TBC1D2: variants seen among roughly 807,000 people sequenced by gnomAD.
TBC1D2 encodes TBC1 domain family member 2.
TBC1D2 carries 58 observed loss-of-function variants against 91.1 expected under a neutral mutation model. The observed-to-expected ratio is 0.64, with a 90% CI of 0.52 to 0.79. The LOEUF (loss-of-function observed/expected upper bound fraction) is 0.79. Among genes scored for constraint, TBC1D2 ranks in the 30% least tolerant of loss-of-function variants. TBC1D2 has a pLI of 0.00. For synonymous variants in TBC1D2, 482 were observed against 511.5 expected (o/e 0.94, Z 0.78); for missense variants, 1,080 against 1,208.3 (o/e 0.89, Z 1.57).
At chr9:98,233,603 T>G (rs766746083) in intron 3 of TBC1D2, 54 bp from the exon 4 acceptor site, 47 of 1,594,180 alleles carry the variant, frequency 2.9e-5, no homozygotes, top group Non-Finnish European at 3.7e-5. Context: ...CTTTCTGCCC[T>G]TCTGTCCTTC....
chr9:98,250,790 C>T (rs555976355), intron 2 of TBC1D2, among the ~76,000 whole-genome samples: 10 of 152,304 alleles, frequency 6.6e-5, no homozygotes, highest in African/African-American at 2.4e-4. Flanking sequence ...TGATTTTCCA[C>T]ATTCTTGCAG....
chr9:98,229,999 A>T (rs1296939023), intron 4 of TBC1D2, among the ~76,000 whole-genome samples: 1 of 152,224 alleles, frequency 6.6e-6, no homozygotes, highest in African/African-American at 2.4e-5. Context: ...TCAAAATTTT[A>T]TTCTTAAATC....
intron 2 of TBC1D2, among the ~76,000 whole-genome samples, chr9:98,247,097 G>A: frequency 6.6e-6 from 1 of 151,996 alleles, no homozygotes; most frequent in East Asian, 1.9e-4. Context: ...GGAGGCCAAG[G>A]CAGGCAGATC....
At chr9:98,251,756 T>C (rs1349910942) in intron 2 of TBC1D2, 29 bp downstream of exon 2, 1 of 1,544,838 alleles carries the variant, frequency 6.5e-7, no homozygotes, top group Non-Finnish European at 8.7e-7. Flanking sequence ...GCCCTGGGTG[T>C]GCAGGCAGGA....
intron 2 of TBC1D2, 30 bp downstream of exon 2, chr9:98,251,755 G>A (rs1216330783): frequency 1.3e-6 from 2 of 1,544,794 alleles, no homozygotes; most frequent in South Asian, 1.2e-5. Context: ...AGCCCTGGGT[G>A]TGCAGGCAGG....
In TBC1D2 at chr9:98,244,132, G is replaced by A; in HGVS notation, c.512-3C>T. ...CTCCAGCTCTGCCTCTTCTTGCCCT[G>A]GGAACAAAGAAAAGGGAAATCCATC... is the stretch of plus-strand genomic sequence containing the variant. On this transcript the variant is annotated splice_region_variant and splice_polypyrimidine_tract_variant and intron_variant, in intron 2 of 12. Coordinates refer to ENST00000465784, the MANE Select transcript of TBC1D2 (RefSeq NM_001267571.2). The A allele has an allele frequency of 6.2e-7, 1 of 1,612,738 alleles. No individual in the cohort carries two copies. Among genetic ancestry groups the A allele is most frequent in the Non-Finnish European group, 8.5e-7 (1 of 1,179,428 alleles).
chr9:98,233,509 C>G lies in TBC1D2; in HGVS notation c.688G>C (p.Gly230Arg). 6.2e-7 allele frequency: 1 copy of G among 1,614,192 alleles called. No homozygotes were observed. Among genetic ancestry groups the G allele is most frequent in the Non-Finnish European group, 8.5e-7 (1 of 1,180,032 alleles). ...HNIRGNKQAQ[G>R]TGHEPPGEDS... ...TCCCCTGGAGGTTCATGGCCTGTTC[C>G]CTGGGCCTGCTTGTTGCCACGGATG... is the stretch of plus-strand genomic sequence containing the variant. The change falls in exon 4 of 13, where the codon GGA becomes CGA. Residue 230 changes from glycine (G) to arginine (R), a missense_variant. Physicochemically the swap from Gly to Arg is moderately radical, Grantham distance 125. Coordinates refer to ENST00000465784, the MANE Select transcript of TBC1D2 (RefSeq NM_001267571.2).
intron 2 of TBC1D2, among the ~76,000 whole-genome samples, chr9:98,246,992 T>C (rs530493003): frequency 2.0e-5 from 3 of 148,976 alleles, no homozygotes; most frequent in East Asian, 2.0e-4. Flanking sequence ...CCTGTTTCCA[T>C]GGGGAGGGTG....
At chr9:98,202,910 A>C (rs1828545633) in intron 10 of TBC1D2, among the ~76,000 whole-genome samples, 1 of 152,268 alleles carries the variant, frequency 6.6e-6, no homozygotes, top group Non-Finnish European at 1.5e-5. Flanking sequence ...TGGGTCAGGG[A>C]GCCAGCTCCT....
At chr9:98,248,260 C>T (rs80313733) in intron 2 of TBC1D2, among the ~76,000 whole-genome samples, 8,948 of 152,334 alleles carry the variant, frequency 0.059, 325 homozygotes, top group Middle Eastern at 0.095. Context: ...GTGCAAGGCA[C>T]GGGCGGCACA....
At position 98,209,093 on chromosome 9, in the gene TBC1D2, G is replaced by A; in HGVS notation, c.1725C>T (p.Asp575=). 6.2e-7 allele frequency: 1 copy of A among 1,614,148 alleles called. No individual in the cohort carries two copies. Among genetic ancestry groups the A allele is most frequent in the South Asian group, 1.1e-5 (1 of 91,084 alleles). Residue 575 remains aspartate (D), a synonymous_variant, in exon 9 of 13, where the codon GAC becomes GAT. Transcript: ENST00000465784. ...FLTVPDYEVE[D]LKLLAKIQAL... is the part of the protein sequence containing the mutation. ...CCTGGATCTTGGCCAGCAGCTTCAG[G>A]TCTTCCACCTCATAGTCGGGCACCG... is the stretch of plus-strand genomic sequence containing the variant.
chr9:98,245,489 C>T (rs1371260613), intron 2 of TBC1D2, among the ~76,000 whole-genome samples: 1 of 151,994 alleles, frequency 6.6e-6, no homozygotes, highest in East Asian at 1.9e-4. Flanking sequence ...ATCACTTGAG[C>T]CCAGGAGGTG....
chr9:98,244,001 C>T lies in TBC1D2; in HGVS notation c.640G>A (p.Glu214Lys). 1 of 1,605,126 alleles carries T rather than the reference C, an allele frequency of 6.2e-7. No individual in the cohort carries two copies. The highest frequency in any genetic ancestry group is 8.5e-7 in the Non-Finnish European group (1 of 1,176,008). The change falls in exon 3 of 13, where the codon GAA becomes AAA. Residue 214 changes from glutamate to lysine, a missense_variant. Physicochemically the swap from Glu to Lys is moderately conservative, Grantham distance 56. Transcript: ENST00000465784. ...AGCTCCACTGGCACTTACTGTATTT[C>T]AGTCCCCAGGTGCTTGAGGGAAATA... is the stretch of plus-strand genomic sequence containing the variant. ...QNISLKHLGT[E>K]IQNTMHNIRG...
chr9:98,215,127 GC>G lies in TBC1D2; in HGVS notation c.1375-1910del, dbSNP rs370818773. ...GCTGTGTGCGCCAGCCGCTCTGCTG[GC>G]AAGTTTCTGCCTGCTTCTTCTCCAC... On this transcript the variant is annotated intron_variant, in intron 6 of 12. Coordinates refer to ENST00000465784, the MANE Select transcript of TBC1D2 (RefSeq NM_001267571.2). Among the ~76,000 whole-genome samples the G allele has an allele frequency of 1.5e-3, 228 of 152,294 alleles. 2 individuals carry two copies. The highest frequency in any genetic ancestry group is 5.1e-3 in the African/African-American group (213 of 41,560).
Position 98,199,483 on chromosome 9 carries a change from C to T in TBC1D2, c.2685G>A (p.Glu895=), listed in dbSNP as rs779999099. Residue 895 remains glutamate, a synonymous_variant, in exon 13 of 13, where the codon GAG becomes GAA. Coordinates refer to ENST00000465784, the MANE Select transcript of TBC1D2 (RefSeq NM_001267571.2). ...GGTACTCTGCCTTAAGCTGCTCCAG[C>T]TCCCGCAGCTCAGCCTCCAGCCGCT... ...HRERLEAELR[E]LEQLKAEYLE... The T allele has an allele frequency of 6.2e-7, 1 of 1,614,142 alleles. No individual in the cohort carries two copies. Among genetic ancestry groups the T allele is most frequent in the Non-Finnish European group, 8.5e-7 (1 of 1,180,046 alleles).
At chr9:98,208,562 C>T (rs904839513) in intron 9 of TBC1D2, 106 bp downstream of exon 9, 17 of 1,070,384 alleles carry the variant, frequency 1.6e-5, no homozygotes, top group Middle Eastern at 6.4e-4. Context: ...TCCTGCTGTG[C>T]GGCCCCTTAA....
intron 3 of TBC1D2, among the ~76,000 whole-genome samples, chr9:98,239,455 A>C (rs1829585647): frequency 6.6e-6 from 1 of 152,222 alleles, no homozygotes; most frequent in African/African-American, 2.4e-5. Context: ...CCTTCTTCTT[A>C]TTAATGTAGT....
At chr9:98,209,969 C>T (rs1373298202) in intron 8 of TBC1D2, among the ~76,000 whole-genome samples, 1 of 151,202 alleles carries the variant, frequency 6.6e-6, no homozygotes, top group Admixed American at 6.6e-5. Context: ...GCTGGGACTA[C>T]AGGCGTGCAC....
At chr9:98,245,783 T>C (rs1215504864) in intron 2 of TBC1D2, among the ~76,000 whole-genome samples, 1 of 152,180 alleles carries the variant, frequency 6.6e-6, no homozygotes, top group Non-Finnish European at 1.5e-5. Flanking sequence ...TTATCAAAAA[T>C]AGATGTTTAT....
Sources: gnomAD v4.1 joint callset for allele counts (sites outside exome capture counted in the v4.1 genomes callset) on GRCh38, gnomAD v4.1.1 for gene constraint, MANE v1.5 for transcripts, NCBI Gene and HGNC (gene_info 2026-07-23, HGNC 2026-07-21) for gene names.